NPAS3: variants seen among roughly 807,000 people sequenced by gnomAD.
NPAS3 encodes the protein neuronal PAS domain-containing protein 3.
Under a neutral mutation model 73.1 loss-of-function variants are expected in NPAS3, and 14 were observed. That is an observed-to-expected ratio of 0.19 (90% CI 0.13 to 0.30). The LOEUF (loss-of-function observed/expected upper bound fraction) is 0.30, where lower values mean the gene tolerates loss of function less well. NPAS3 is among the 10% of genes least tolerant of loss of function. NPAS3 has a pLI of 1.00. For missense variants in NPAS3, 1,096 were observed against 1,250.0 expected (o/e 0.88, Z 1.86); for synonymous variants, 620 against 541.5 (o/e 1.14, Z -2.01).
intron 5 of NPAS3, among the ~76,000 whole-genome samples, chr14:33,619,680 A>G (rs1279150618): frequency 6.6e-6 from 1 of 152,164 alleles, no homozygotes; most frequent in Admixed American, 6.5e-5. Context: ...ACTGAAGGGG[A>G]TGTTATTTTA....
chr14:33,095,897 C>T (rs1014825426), intron 2 of NPAS3, among the ~76,000 whole-genome samples: 2 of 151,562 alleles, frequency 1.3e-5, no homozygotes, highest in African/African-American at 4.9e-5. Context: ...TGGTCTCGAT[C>T]TCCTGACCTC....
chr14:33,233,717 A>G (rs1411870358), intron 3 of NPAS3, among the ~76,000 whole-genome samples: 1 of 152,158 alleles, frequency 6.6e-6, no homozygotes, highest in East Asian at 1.9e-4. Context: ...TAGCAGTTGT[A>G]GAAAGGACTT....
At chr14:33,544,763 G>GCATGTATGTGTTTATGA (rs2054703217) in intron 4 of NPAS3, among the ~76,000 whole-genome samples, 1 of 67,244 alleles carries the variant, frequency 1.5e-5, no homozygotes, top group African/African-American at 1.2e-4. Context: ...GACAACATAT[G>GCATGTATGTGTTTATGA]CATGTATGTG....
chr14:33,800,710 C>T lies in NPAS3; in HGVS notation c.2403C>T (p.Val801=), dbSNP rs1595645167. The change falls in exon 12 of 12, where the codon GTC becomes GTT. Residue 801 remains valine, a synonymous_variant. Coordinates refer to ENST00000356141, the Ensembl canonical transcript of NPAS3. This position sits in a 1 kb window ranked among gnomAD's most constrained non-coding sequence, Gnocchi z 6.5. ...TGCAGAGGTTGCAGGCGGGCAACGT[C>T]GTGCTCCCGCTGGTGCACAGGGTGA... 2 of 1,548,894 alleles carry T rather than the reference C, an allele frequency of 1.3e-6. No homozygotes were observed. The highest frequency in any genetic ancestry group is 4.8e-5 in the East Asian group (2 of 41,270).
At chr14:33,751,028 G>A (rs1051422805) in intron 7 of NPAS3, among the ~76,000 whole-genome samples, 1 of 152,174 alleles carries the variant, frequency 6.6e-6, no homozygotes, top group Non-Finnish European at 1.5e-5. Flanking sequence ...AAGGCATCAA[G>A]TGTAGTGAGC....
At chr14:33,615,470 T>C (rs1158940252) in intron 5 of NPAS3, among the ~76,000 whole-genome samples, 1 of 152,020 alleles carries the variant, frequency 6.6e-6, no homozygotes, top group East Asian at 1.9e-4. Context: ...TGGGTACTGA[T>C]TCAATATTGA....
chr14:33,485,743 C>G (rs1299180753), intron 4 of NPAS3, among the ~76,000 whole-genome samples: 1 of 152,278 alleles, frequency 6.6e-6, no homozygotes, highest in East Asian at 1.9e-4. Context: ...AAAAACCATT[C>G]ATTTTTAAAT....
chr14:32,961,733 C>T (rs1346398583), intron 1 of NPAS3, among the ~76,000 whole-genome samples: 1 of 152,094 alleles, frequency 6.6e-6, no homozygotes, highest in African/African-American at 2.4e-5. Flanking sequence ...TTAATTCCCC[C>T]AATAACCCTC....
chr14:33,695,567 T>C (rs776357171), intron 6 of NPAS3, among the ~76,000 whole-genome samples: 3 of 152,206 alleles, frequency 2.0e-5, no homozygotes, highest in Non-Finnish European at 4.4e-5. Flanking sequence ...TCTTCGACTT[T>C]GGCTTATAAA....
At chr14:33,669,567 C>G (rs2059552765) in intron 5 of NPAS3, among the ~76,000 whole-genome samples, 1 of 152,106 alleles carries the variant, frequency 6.6e-6, no homozygotes, top group Non-Finnish European at 1.5e-5. Context: ...TCTAAGATTA[C>G]AAGAAAAAAT....
intron 1 of NPAS3, among the ~76,000 whole-genome samples, chr14:32,964,728 G>C (rs1362430460): frequency 6.6e-6 from 1 of 152,056 alleles, no homozygotes; most frequent in East Asian, 1.9e-4. Context: ...TGTAATCCTA[G>C]CACTTTGGGA....
intron 6 of NPAS3, among the ~76,000 whole-genome samples, chr14:33,696,803 G>T (rs905775963): frequency 2.6e-5 from 4 of 152,152 alleles, no homozygotes; most frequent in Non-Finnish European, 5.9e-5. Flanking sequence ...CGTATATAAC[G>T]TATATGACTT....
In NPAS3 at chr14:33,441,558, T is replaced by C. The variant is rs1454995612; in HGVS notation, c.468+74290T>C. The stretch of plus-strand genomic sequence containing the variant: ...TTCCCTTTGAAGGCAGCCCATCCTA[T>C]TATTGTACTATTCGCATTTTAAAAA... On this transcript the variant is annotated intron_variant, in intron 4 of 11. Coordinates refer to ENST00000356141, the Ensembl canonical transcript of NPAS3. Among the ~76,000 whole-genome samples, 7 of 152,316 alleles carry C rather than the reference T, an allele frequency of 4.6e-5. No individual in the cohort carries two copies. In the East Asian group the frequency reaches 1.4e-3, roughly 29 times the overall value.
chr14:33,211,969 T>C (rs1167556318), intron 2 of NPAS3, among the ~76,000 whole-genome samples: 1 of 152,218 alleles, frequency 6.6e-6, no homozygotes, highest in Non-Finnish European at 1.5e-5. Context: ...TATAACATTT[T>C]ACTCATGTAC....
intron 6 of NPAS3, among the ~76,000 whole-genome samples, chr14:33,684,812 G>A (rs1163960439): frequency 6.6e-6 from 1 of 152,144 alleles, no homozygotes; most frequent in East Asian, 1.9e-4. Context: ...GTTTCTCCAG[G>A]CTCCTTCCTT....
chr14:33,255,556 G>A (rs1158560982), intron 3 of NPAS3, among the ~76,000 whole-genome samples: 1 of 152,036 alleles, frequency 6.6e-6, no homozygotes, highest in Non-Finnish European at 1.5e-5. Context: ...TGCCAAGTGG[G>A]CTATTAGTTT....
At chr14:33,521,885 G>A (rs1012979976) in intron 4 of NPAS3, among the ~76,000 whole-genome samples, 1 of 152,070 alleles carries the variant, frequency 6.6e-6, no homozygotes, top group African/African-American at 2.4e-5. Flanking sequence ...TTGACTTGCC[G>A]CCGGAGCTTT....
At chr14:33,416,256 T>A (rs958293058) in intron 4 of NPAS3, among the ~76,000 whole-genome samples, 1 of 151,938 alleles carries the variant, frequency 6.6e-6, no homozygotes, top group Admixed American at 6.6e-5. Flanking sequence ...GAGAACAAGG[T>A]ATTGAAGAAC....
At chr14:33,446,073 C>G (rs111254157) in intron 4 of NPAS3, among the ~76,000 whole-genome samples, 1 of 151,770 alleles carries the variant, frequency 6.6e-6, no homozygotes, top group Non-Finnish European at 1.5e-5. Context: ...TCTGATGTTC[C>G]GTTTGAGTCA....
Sources: gnomAD v4.1 joint callset for allele counts (sites outside exome capture counted in the v4.1 genomes callset) on GRCh38, gnomAD v4.1.1 for gene constraint, Gnocchi (gnomAD v3.1) non-coding constraint, MANE v1.5 for transcripts, NCBI Gene and HGNC (gene_info 2026-07-23, HGNC 2026-07-21) for gene names.